Variants in YJU2B observed in about 807,000 individuals in gnomAD.
The protein encoded by YJU2B is YJU2 splicing factor homolog B, also known as probable splicing factor YJU2B.
In YJU2B, 18 loss-of-function variants were observed where a neutral mutation model predicts 38.0. That is an observed-to-expected ratio of 0.47 (90% CI 0.33 to 0.70). YJU2B has a LOEUF of 0.70. YJU2B is among the 30% of genes least tolerant of loss of function. The pLI is 0.02. For synonymous variants in YJU2B, 246 were observed against 225.4 expected (o/e 1.09, Z -0.82); for missense variants, 538 against 556.3 (o/e 0.97, Z 0.33).
chr19:13,756,988 A>AG (rs1327869106), intron 4 of YJU2B, among the ~76,000 whole-genome samples: 2 of 151,420 alleles, frequency 1.3e-5, no homozygotes, highest in Non-Finnish European at 2.9e-5. Flanking sequence ...AAAAAAAAAA[A>AG]AAATTCGCCG....
chr19:13,754,536 G>A (rs1379715808), intron 3 of YJU2B, among the ~76,000 whole-genome samples, 194 bp downstream of exon 3: 1 of 152,080 alleles, frequency 6.6e-6, no homozygotes, highest in Non-Finnish European at 1.5e-5. Context: ...GTAACTCCAT[G>A]TCCACACTAT....
intron 2 of YJU2B, chr19:13,732,641 A>C (rs1599481864): frequency 1.6e-5 from 2 of 122,582 alleles, no homozygotes; most frequent in African/African-American, 3.2e-5. Context: ...ACAGAGTCTC[A>C]CTCTGTTGCC....
chr19:13,737,038 A>G (rs1319728560), intron 2 of YJU2B, among the ~76,000 whole-genome samples: 1 of 151,096 alleles, frequency 6.6e-6, no homozygotes, highest in African/African-American at 2.4e-5. Context: ...AAAAAAAAAA[A>G]AAAAGAAAAA....
chr19:13,760,080 C>G (rs1166339580), intron 8 of YJU2B, among the ~76,000 whole-genome samples: 1 of 152,090 alleles, frequency 6.6e-6, no homozygotes, highest in Non-Finnish European at 1.5e-5. Context: ...GCGTGAGCCA[C>G]CGCACCTGGC....
At chr19:13,736,110 A>G (rs1041413062) in intron 2 of YJU2B, among the ~76,000 whole-genome samples, 4 of 151,962 alleles carry the variant, frequency 2.6e-5, no homozygotes, top group African/African-American at 9.7e-5. Context: ...GGAGTATCCC[A>G]AGTCTGGAAT....
intron 8 of YJU2B, among the ~76,000 whole-genome samples, chr19:13,761,741 TG>T (rs1316587980): frequency 4.2e-5 from 5 of 119,106 alleles, no homozygotes; most frequent in Admixed American, 8.1e-5. Flanking sequence ...TTTTTTTTTT[TG>T]AAACAGTCTC....
chr19:13,762,535 G>A, intron 9 of YJU2B, 55 bp from the exon 10 acceptor site: 12 of 1,550,108 alleles, frequency 7.7e-6, no homozygotes, highest in Non-Finnish European at 1.0e-5. Context: ...CTACCAGAGG[G>A]CAGTTCTGGA....
At chr19:13,745,106 T>C (rs183323707), upstream of YJU2B, among the ~76,000 whole-genome samples, 1 of 152,286 alleles carries the variant, frequency 6.6e-6, no homozygotes, top group Admixed American at 6.5e-5. Context: ...TGAGCAGTTG[T>C]AGGTCAGCTC....
intron 2 of YJU2B, among the ~76,000 whole-genome samples, chr19:13,738,451 T>C (rs1973010371): frequency 6.6e-6 from 1 of 152,154 alleles, no homozygotes; most frequent in Admixed American, 6.6e-5. Context: ...TGTGTTGAGT[T>C]CCTTTGCCAG....
chr19:13,750,964 G>A (rs995176943), intron 1 of YJU2B, among the ~76,000 whole-genome samples: 3 of 152,008 alleles, frequency 2.0e-5, no homozygotes, highest in East Asian at 3.9e-4. Flanking sequence ...CAGGAAGCCA[G>A]TGTGGCTGGA....
At chr19:13,740,789 G>A (rs927481395) in intron 2 of YJU2B, among the ~76,000 whole-genome samples, 9 of 152,002 alleles carry the variant, frequency 5.9e-5, no homozygotes, top group East Asian at 1.9e-4. Context: ...CCTCCCTTGG[G>A]CTCCCAAAGT....
chr19:13,734,155 T>C (rs1305695027), intron 2 of YJU2B, among the ~76,000 whole-genome samples: 1 of 152,124 alleles, frequency 6.6e-6, no homozygotes, highest in African/African-American at 2.4e-5. Context: ...CTCAAACTCT[T>C]GGCCTCAAGA....
intron 1 of YJU2B, 62 bp from the exon 2 acceptor site, chr19:13,751,546 A>C (rs913634813): frequency 2.0e-6 from 1 of 492,730 alleles, no homozygotes; most frequent in East Asian, 3.3e-5. Flanking sequence ...AGAGGGATGA[A>C]AGTGTCAGAT....
chr19:13,746,428 A>C (rs1033960656), upstream of YJU2B, among the ~76,000 whole-genome samples: 1 of 152,174 alleles, frequency 6.6e-6, no homozygotes, highest in African/African-American at 2.4e-5. Flanking sequence ...ACCCTGTTGC[A>C]GACATAGACA....
upstream of YJU2B, chr19:13,747,736 C>T (rs1477281665): frequency 6.6e-6 from 1 of 152,426 alleles, no homozygotes; most frequent in Non-Finnish European, 1.5e-5. Context: ...AGGATGGAGC[C>T]TCTTGGCGTA....
chr19:13,753,574 CAAAAA>C (rs34397712), intron 2 of YJU2B, among the ~76,000 whole-genome samples: 1 of 71,884 alleles, frequency 1.4e-5, no homozygotes, highest in African/African-American at 5.9e-5. Context: ...AACTCTGTCT[CAAAAA>C]AAAAAAAAAA....
At chr19:13,757,370 G>A (rs1973705393) in intron 4 of YJU2B, 48 bp from the exon 5 acceptor site, 1 of 1,531,922 alleles carries the variant, frequency 6.5e-7, no homozygotes, top group Non-Finnish European at 9.0e-7. Flanking sequence ...GAGACCCAGG[G>A]AGTGTCCAAG....
In YJU2B at chr19:13,762,282, C is replaced by A. The variant is rs768807068; in HGVS notation, c.574-17C>A. Reference sequence around the variant, plus strand: ...TTTGACACCCCCTATCTCTGGTGTTCTTGGCCCTCAACACAGGAAAAGAAA... The same window carrying A: ...TTTGACACCCCCTATCTCTGGTGTTATTGGCCCTCAACACAGGAAAAGAAA... On this transcript the variant is annotated splice_polypyrimidine_tract_variant and intron_variant, in intron 8 of 9. Transcript: ENST00000221554. The A allele has an allele frequency of 5.0e-6, 8 of 1,612,162 alleles. No individual in the cohort carries two copies. Among genetic ancestry groups the A allele is most frequent in the Non-Finnish European group, 5.9e-6 (7 of 1,179,598 alleles).
At chr19:13,739,841 T>C (rs183036800) in intron 2 of YJU2B, among the ~76,000 whole-genome samples, 1 of 152,206 alleles carries the variant, frequency 6.6e-6, no homozygotes, top group Non-Finnish European at 1.5e-5. Flanking sequence ...CAATCCATCA[T>C]CTAGGTTTTA....
Sources: gnomAD v4.1 joint callset for allele counts (sites outside exome capture counted in the v4.1 genomes callset) on GRCh38, gnomAD v4.1.1 for gene constraint, MANE v1.5 for transcripts, NCBI Gene and HGNC (gene_info 2026-07-23, HGNC 2026-07-21) for gene names.